NLGN4X: variants seen among roughly 807,000 people sequenced by gnomAD.
NLGN4X encodes neuroligin 4 X-linked.
NLGN4X carries 3 observed loss-of-function variants against 40.3 expected under a neutral mutation model. The ratio of observed to expected loss-of-function variants is 0.07; its 90% CI spans 0.03 to 0.19. The LOEUF (loss-of-function observed/expected upper bound fraction) is 0.19, where lower values mean the gene tolerates loss of function less well. NLGN4X is among the 10% of genes least tolerant of loss of function. The pLI, the probability that NLGN4X is intolerant of heterozygous loss-of-function variation, is 1.00. For missense variants in NLGN4X, 382 were observed against 708.3 expected (o/e 0.54, Z 5.23); for synonymous variants, 270 against 306.8 (o/e 0.88, Z 1.25).
intron 4 of NLGN4X, among the ~76,000 whole-genome samples, chrX:5,904,351 A>G (rs2032068375): frequency 8.9e-6 from 1 of 112,122 alleles, no homozygotes; most frequent in African/African-American, 3.2e-5. Context: ...AATCCACTTG[A>G]ATCAACTTCA....
chrX:6,205,147 GA>G (rs1162332756), intron 1 of NLGN4X, among the ~76,000 whole-genome samples: 1 of 112,203 alleles, frequency 8.9e-6, no homozygotes, highest in Admixed American at 9.4e-5. Flanking sequence ...TCATCATTGG[GA>G]AGACCTTTCA....
At chrX:6,162,787 C>T (rs1353319008) in intron 1 of NLGN4X, among the ~76,000 whole-genome samples, 1 of 111,732 alleles carries the variant, frequency 8.9e-6, no homozygotes, top group African/African-American at 3.3e-5. Flanking sequence ...GATATTATTG[C>T]ACGTGCTATG....
chrX:5,997,587 T>TGTGTATATATATACAC (rs1569177167), intron 3 of NLGN4X, among the ~76,000 whole-genome samples: 1 of 41,436 alleles, frequency 2.4e-5, no homozygotes, highest in African/African-American at 1.5e-4. Flanking sequence ...TGTGTGTGTG[T>TGTGTATATATATACAC]ATATATATAT....
chrX:5,960,123 A>C (rs962131682), intron 3 of NLGN4X, among the ~76,000 whole-genome samples: 3 of 111,551 alleles, frequency 2.7e-5, no homozygotes, highest in Non-Finnish European at 5.6e-5. Flanking sequence ...GAGGTAGTTT[A>C]ATCAGTTATA....
chrX:6,129,517 A>G (rs1250103292), intron 2 of NLGN4X, among the ~76,000 whole-genome samples: 5 of 112,238 alleles, frequency 4.5e-5, no homozygotes, highest in African/African-American at 1.6e-4. Flanking sequence ...TTCACTAGCT[A>G]AAAAGACTAA....
chrX:6,109,599 A>T (rs2039102682), intron 2 of NLGN4X, among the ~76,000 whole-genome samples: 1 of 111,741 alleles, frequency 8.9e-6, no homozygotes, highest in Admixed American at 9.6e-5. Flanking sequence ...GCAATCTCTC[A>T]CTTTCTGATC....
chrX:6,076,051 C>T (rs1479586092), intron 2 of NLGN4X, among the ~76,000 whole-genome samples: 1 of 111,472 alleles, frequency 9.0e-6, no homozygotes, highest in East Asian at 2.8e-4. Flanking sequence ...CTTTATTTGT[C>T]CACTCTAAAT....
At chrX:5,896,065 T>A (rs2031471096) in intron 5 of NLGN4X, among the ~76,000 whole-genome samples, 1 of 111,848 alleles carries the variant, frequency 8.9e-6, no homozygotes, top group African/African-American at 3.2e-5. Flanking sequence ...CTACCTTTTT[T>A]TCCATGGATC....
intron 1 of NLGN4X, among the ~76,000 whole-genome samples, chrX:6,209,231 G>C (rs1924339107): frequency 9.0e-6 from 1 of 111,402 alleles, no homozygotes; most frequent in Non-Finnish European, 1.9e-5. Flanking sequence ...GAATCAAAAA[G>C]GTGGGAGGGT....
At chrX:6,175,363 C>T (rs553910434) in intron 1 of NLGN4X, among the ~76,000 whole-genome samples, 2 of 110,601 alleles carry the variant, frequency 1.8e-5, no homozygotes, top group African/African-American at 6.6e-5. Flanking sequence ...TTTTATTAAA[C>T]ACTACCCAAC....
At chrX:6,058,114 A>G (rs1267328049) in intron 2 of NLGN4X, among the ~76,000 whole-genome samples, 1 of 111,333 alleles carries the variant, frequency 9.0e-6, no homozygotes, top group East Asian at 2.8e-4. Context: ...ATATGAAGAG[A>G]AAAAAAGGCC....
At chrX:6,042,730 T>TATAC (rs1215396694) in intron 2 of NLGN4X, among the ~76,000 whole-genome samples, 778 of 20,040 alleles carry the variant, frequency 0.039, 37 homozygotes, top group Middle Eastern at 0.091. Context: ...TATATATATA[T>TATAC]ACACACACAC....
intron 1 of NLGN4X, among the ~76,000 whole-genome samples, chrX:6,215,063 A>G (rs1034105167): frequency 4.5e-5 from 5 of 112,188 alleles, no homozygotes; most frequent in African/African-American, 1.3e-4. Context: ...TTTCATAGAA[A>G]TGATTTATCT....
chrX:5,948,569 C>CA (rs1233771599), intron 3 of NLGN4X, among the ~76,000 whole-genome samples: 4 of 111,763 alleles, frequency 3.6e-5, no homozygotes, highest in African/African-American at 9.8e-5. Context: ...GTGAGTCATT[C>CA]AAAGAGTTCT....
intron 5 of NLGN4X, among the ~76,000 whole-genome samples, chrX:5,898,086 C>G (rs373726768): frequency 1.1e-5 from 1 of 87,311 alleles, no homozygotes; most frequent in African/African-American, 4.0e-5. Context: ...TCCTTCCTCT[C>G]TTCTTTCTCC....
chrX:6,031,987 G>GC (rs1019200314), intron 2 of NLGN4X, among the ~76,000 whole-genome samples: 3 of 109,912 alleles, frequency 2.7e-5, no homozygotes, highest in African/African-American at 9.9e-5. Flanking sequence ...TTTCAAAAAA[G>GC]CCGTGGTGTG....
intron 1 of NLGN4X, chrX:6,187,697 T>C (rs1922190413): frequency 8.9e-6 from 1 of 112,410 alleles, no homozygotes. Flanking sequence ...AGTATGTCAG[T>C]GCCCATGGGA....
intron 2 of NLGN4X, among the ~76,000 whole-genome samples, chrX:6,060,019 T>C (rs1176246386): frequency 1.8e-5 from 2 of 111,990 alleles, no homozygotes; most frequent in Non-Finnish European, 3.8e-5. Context: ...TACATAGCTG[T>C]GGTAATATTT....
At chrX:6,197,752 G>A (rs2147848896) in intron 1 of NLGN4X, among the ~76,000 whole-genome samples, 1 of 110,238 alleles carries the variant, frequency 9.1e-6, no homozygotes, top group East Asian at 2.9e-4. Flanking sequence ...AACTAAAGCA[G>A]AAAGGTGCTA....
Sources: gnomAD v4.1 joint callset for allele counts (sites outside exome capture counted in the v4.1 genomes callset) on GRCh38, gnomAD v4.1.1 for gene constraint, MANE v1.5 for transcripts, NCBI Gene and HGNC (gene_info 2026-07-23, HGNC 2026-07-21) for gene names.